Variants in NUP35 observed in about 807,000 individuals in gnomAD.
NUP35 encodes the protein nucleoporin NUP35.
A neutral mutation model predicts 41.5 loss-of-function variants in NUP35; 25 were observed. The observed-to-expected ratio is 0.60, with a 90% CI of 0.44 to 0.84. The LOEUF is 0.84. Ranked by LOEUF, NUP35 falls within the 40% of genes least tolerant of loss-of-function variation. The pLI is 0.00. For missense variants in NUP35, 396 were observed against 396.6 expected, an observed-to-expected ratio of 1.00 and a Z score of 0.01; for synonymous variants, 149 against 130.7, an observed-to-expected ratio of 1.14 and a Z score of -0.96.
rs143238606 is a variant in NUP35 at position 183,153,801 on chromosome 2, A to C, written c.539+2152A>C. On this transcript the variant is annotated intron_variant, in intron 5 of 8. Coordinates refer to ENST00000295119, the MANE Select transcript of NUP35 (RefSeq NM_138285.5). ...CCCTCTTCTCACAGCCCCACTAGGC[A>C]GTGCCCTAGTAGGGACCCTGTGTGG... 7.6e-4 allele frequency among the ~76,000 whole-genome samples: 116 copies of C among 152,320 alleles called. 3 individuals are homozygous for C. The East Asian group carries it at 0.021, about 27-fold the overall frequency.
chr2:183,131,031 G>T, intron 3 of NUP35: 1 of 604,304 alleles, frequency 1.7e-6, no homozygotes. Flanking sequence ...GCCCAGGCTA[G>T]AGTGCAGCGG....
chr2:183,124,421 T>C (rs199697799), upstream of NUP35: 1 of 1,613,766 alleles, frequency 6.2e-7, no homozygotes, highest in Non-Finnish European at 8.5e-7. Context: ...GAAAATTAAT[T>C]GGGAAGGTAC....
chr2:183,143,234 GTC>G (rs1199646139), intron 4 of NUP35, among the ~76,000 whole-genome samples: 3 of 150,736 alleles, frequency 2.0e-5, no homozygotes, highest in African/African-American at 7.3e-5. Flanking sequence ...GTTAATAGCA[GTC>G]TTTTTTATTC....
intron 6 of NUP35, among the ~76,000 whole-genome samples, chr2:183,157,856 A>C (rs931180873): frequency 1.3e-5 from 2 of 152,156 alleles, no homozygotes; most frequent in Admixed American, 1.3e-4. Flanking sequence ...AGTAGGAGGC[A>C]GTTCCTGAGC....
chr2:183,121,120 TAAAGA>T (rs1330160899), upstream of NUP35, among the ~76,000 whole-genome samples: 2 of 151,736 alleles, frequency 1.3e-5, no homozygotes, highest in African/African-American at 4.8e-5. Context: ...TCACCAAAAA[TAAAGA>T]AAACACTTGT....
At chr2:183,127,944 C>T (rs565821858) in intron 1 of NUP35, among the ~76,000 whole-genome samples, 1 of 151,976 alleles carries the variant, frequency 6.6e-6, no homozygotes, top group East Asian at 1.9e-4. Context: ...CGTGGTGGTG[C>T]AGGCCTGTAG....
chr2:183,125,469 A>T (rs1684427677), intron 1 of NUP35, among the ~76,000 whole-genome samples: 1 of 149,612 alleles, frequency 6.7e-6, no homozygotes. Context: ...AATGCTTGCC[A>T]TGTTTGGTGT....
intron 1 of NUP35, among the ~76,000 whole-genome samples, chr2:183,125,883 A>G (rs1296595049): frequency 6.6e-6 from 1 of 152,260 alleles, no homozygotes; most frequent in Non-Finnish European, 1.5e-5. Flanking sequence ...ACAGAATATG[A>G]AATGGAATTG....
Position 183,130,616 on chromosome 2 carries a change from A to G in NUP35, c.339+71A>G, listed in dbSNP as rs559851234. 99 of 1,460,232 alleles carry G rather than the reference A, an allele frequency of 6.8e-5. No homozygotes were observed. The Middle Eastern group carries it at 2.0e-3, about 29-fold the overall frequency. 90.5% of individuals were successfully genotyped at this position (1,460,232 alleles called of 1,614,324 possible). ...TTATGTGTCTGTTCAGTGAGAGTCAATACTTTGAAATGTTTCCCTGAAGTC... is the reference window on the plus strand; with the variant it reads ...TTATGTGTCTGTTCAGTGAGAGTCAGTACTTTGAAATGTTTCCCTGAAGTC... On this transcript the variant is annotated intron_variant, in intron 3 of 8. Transcript: ENST00000295119.
At chr2:183,151,707 T>C in intron 5 of NUP35, 58 bp downstream of exon 5, 2 of 1,509,246 alleles carry the variant, frequency 1.3e-6, no homozygotes, top group Non-Finnish European at 1.8e-6. Context: ...TTATAATGAA[T>C]ATAATCAAAC....
At chr2:183,136,015 A>T (rs535054448) in intron 4 of NUP35, among the ~76,000 whole-genome samples, 1 of 152,368 alleles carries the variant, frequency 6.6e-6, no homozygotes, top group Non-Finnish European at 1.5e-5. Flanking sequence ...GATCCTTTGA[A>T]TCCTCCAAGT....
rs373717854 is a variant in NUP35 at position 183,133,654 on chromosome 2, TTA to T, written c.397+32_397+33del. The stretch of plus-strand genomic sequence containing the variant: ...TGATTCTTTCTTTTTTTTTTTTTTT[TTA>T]AAAGACAGGGTCTGGCTCTGCTACC... On this transcript the variant is annotated intron_variant, in intron 4 of 8. Coordinates refer to ENST00000295119, the MANE Select transcript of NUP35 (RefSeq NM_138285.5). The T allele has an allele frequency of 2.8e-5, 39 of 1,398,606 alleles. No individual in the cohort carries two copies. The African/African-American group carries it at 3.7e-4, about 13-fold the overall frequency. The allele number at this position is 1,398,606 out of a possible 1,614,324, so 86.6% of individuals were successfully genotyped here.
At chr2:183,130,659 G>A in intron 3 of NUP35, 114 bp downstream of exon 3, 1 of 1,125,194 alleles carries the variant, frequency 8.9e-7, no homozygotes. Context: ...ATGTAACTGT[G>A]TTGCACAGAA....
At chr2:183,156,520 T>C (rs531310581) in intron 5 of NUP35, among the ~76,000 whole-genome samples, 225 of 152,192 alleles carry the variant, frequency 1.5e-3, no homozygotes, top group African/African-American at 5.2e-3. Context: ...TTTGTATTTT[T>C]AGTAGAGGCG....
chr2:183,136,866 G>C (rs185631873), intron 4 of NUP35, among the ~76,000 whole-genome samples: 1 of 152,226 alleles, frequency 6.6e-6, no homozygotes, highest in Admixed American at 6.5e-5. Context: ...GAGGAGTGCA[G>C]CTCACTTGAG....
chr2:183,130,643 G>A (rs2105548373), intron 3 of NUP35, 98 bp downstream of exon 3: 2 of 1,266,298 alleles, frequency 1.6e-6, no homozygotes, highest in African/African-American at 1.5e-5. Context: ...CCTGAAGTCT[G>A]TTTTAATGTA....
At chr2:183,135,698 G>C (rs973030211) in intron 4 of NUP35, among the ~76,000 whole-genome samples, 1 of 151,968 alleles carries the variant, frequency 6.6e-6, no homozygotes, top group Non-Finnish European at 1.5e-5. Flanking sequence ...AGAAACAATA[G>C]CAAGACAGTA....
chr2:183,154,846 C>T (rs1008842744), intron 5 of NUP35, among the ~76,000 whole-genome samples: 1 of 152,122 alleles, frequency 6.6e-6, no homozygotes, highest in Non-Finnish European at 1.5e-5. Flanking sequence ...TAAAGACATA[C>T]CTGAGACAGG....
intron 4 of NUP35, among the ~76,000 whole-genome samples, chr2:183,139,096 T>G (rs920181535): frequency 6.6e-6 from 1 of 152,228 alleles, no homozygotes; most frequent in Non-Finnish European, 1.5e-5. Context: ...ACATTAATCC[T>G]GTGCTTTTCC....
Sources: allele counts gnomAD v4.1 joint callset (sites outside exome capture counted in the v4.1 genomes callset), GRCh38; gene constraint gnomAD v4.1.1; transcripts MANE v1.5; gene names NCBI Gene and HGNC (gene_info 2026-07-23, HGNC 2026-07-21).